Variants in TRPC1 observed in about 807,000 individuals in gnomAD.
TRPC1 encodes transient receptor potential cation channel subfamily C member 1.
TRPC1 carries 42 observed loss-of-function variants against 88.2 expected under a neutral mutation model. The observed-to-expected ratio is 0.48, with a 90% CI of 0.37 to 0.62. The LOEUF is 0.62. Among genes scored for constraint, TRPC1 ranks in the 20% least tolerant of loss-of-function variants. The pLI is 0.00. For synonymous variants in TRPC1, 288 were observed against 331.8 expected (o/e 0.87, Z 1.43); for missense variants, 699 against 957.3 (o/e 0.73, Z 3.56).
rs758468097 is a variant in TRPC1, at chr3:142,784,684, T to C, written c.961-20T>C. 5 of 1,556,816 alleles carry C rather than the reference T, an allele frequency of 3.2e-6. No individual in the cohort carries two copies. The highest frequency in any genetic ancestry group is 4.5e-5 in the East Asian group (2 of 44,382). The stretch of plus-strand genomic sequence containing the variant: ...CCTTTTACTTTTTTTCTTTTTAATG[T>C]GTGTGTATGTCCTTTTCAGTTTGTC... On this transcript the variant is annotated intron_variant, in intron 6 of 12. Coordinates refer to ENST00000476941, the MANE Select transcript of TRPC1 (RefSeq NM_001251845.2).
intron 9 of TRPC1, among the ~76,000 whole-genome samples, chr3:142,799,268 A>G (rs933643513): frequency 2.0e-5 from 3 of 152,066 alleles, no homozygotes; most frequent in African/African-American, 7.2e-5. Context: ...TTTTCATTTC[A>G]CAAGTTTTCA....
At chr3:142,741,381 TACTA>T (rs1372097093) in intron 2 of TRPC1, among the ~76,000 whole-genome samples, 2 of 152,094 alleles carry the variant, frequency 1.3e-5, no homozygotes. Context: ...CTTTATTCCT[TACTA>T]AGTAATGTAT....
intron 4 of TRPC1, among the ~76,000 whole-genome samples, chr3:142,765,951 C>T (rs1935370394): frequency 6.6e-6 from 1 of 151,796 alleles, no homozygotes; most frequent in Non-Finnish European, 1.5e-5. Flanking sequence ...GAAAAAAAGG[C>T]TCAATATCAC....
chr3:142,802,016 T>C (rs1327032548), intron 9 of TRPC1, among the ~76,000 whole-genome samples, 153 bp from the exon 10 acceptor site: 2 of 152,184 alleles, frequency 1.3e-5, no homozygotes, highest in African/African-American at 4.8e-5. Flanking sequence ...GGATTTTCGA[T>C]GTTTTTAAAA....
chr3:142,781,074 A>G, intron 6 of TRPC1, 45 bp downstream of exon 6: 1 of 1,497,738 alleles, frequency 6.7e-7, no homozygotes, highest in Non-Finnish European at 8.9e-7. Flanking sequence ...TCTCTACAGT[A>G]GTCTAGTGGC....
At chr3:142,801,042 A>G (rs151218910) in intron 9 of TRPC1, among the ~76,000 whole-genome samples, 29 of 152,178 alleles carry the variant, frequency 1.9e-4, no homozygotes, top group African/African-American at 6.0e-4. Flanking sequence ...AAGCATATCT[A>G]TATTAAAATA....
chr3:142,792,214 T>C lies in TRPC1; in HGVS notation c.1438-610T>C, dbSNP rs906000476. 6.6e-6 allele frequency among the ~76,000 whole-genome samples: 1 copy of C among 152,076 alleles called. No individual in the cohort carries two copies. The highest frequency in any genetic ancestry group is 1.5e-5 in the Non-Finnish European group (1 of 67,958). On this transcript the variant is annotated intron_variant, in intron 8 of 12. Transcript: ENST00000476941. This position sits in a 1 kb window ranked among gnomAD's most constrained non-coding sequence, Gnocchi z 4.0. The stretch of plus-strand genomic sequence containing the variant: ...GATTGAGAGACATTGCTTTTTCAGA[T>C]TGATCTCTTTCGTTCTATAAGTGGA...
chr3:142,731,276 A>T (rs1933892113), intron 1 of TRPC1, among the ~76,000 whole-genome samples: 1 of 152,032 alleles, frequency 6.6e-6, no homozygotes, highest in African/African-American at 2.4e-5. Flanking sequence ...ACAAGGTCTA[A>T]CTAAGTCCTA....
chr3:142,739,493 A>G (rs1355678442), intron 2 of TRPC1, among the ~76,000 whole-genome samples: 2 of 152,202 alleles, frequency 1.3e-5, no homozygotes, highest in East Asian at 1.9e-4. Context: ...GCCATGTGCA[A>G]TGTATATTTT....
intron 4 of TRPC1, among the ~76,000 whole-genome samples, chr3:142,764,968 C>T (rs867734356): frequency 3.3e-5 from 5 of 151,758 alleles, no homozygotes; most frequent in Admixed American, 1.3e-4. Flanking sequence ...CTTTTTTCTC[C>T]GCTGAATGTG....
intron 1 of TRPC1, among the ~76,000 whole-genome samples, chr3:142,728,207 TA>T (rs1053730798): frequency 8.5e-5 from 13 of 152,126 alleles, no homozygotes; most frequent in Admixed American, 3.9e-4. Flanking sequence ...AGCATGGGGT[TA>T]GGGGGAGGGA....
intron 2 of TRPC1, among the ~76,000 whole-genome samples, chr3:142,742,838 C>G (rs76876867): frequency 0.029 from 4,382 of 152,184 alleles, 222 homozygotes; most frequent in African/African-American, 0.1. Context: ...TCTTTCGGAT[C>G]TTCACAGTGA....
intron 1 of TRPC1, among the ~76,000 whole-genome samples, chr3:142,725,359 A>T (rs1468836636): frequency 6.6e-6 from 1 of 152,204 alleles, no homozygotes; most frequent in Non-Finnish European, 1.5e-5. Flanking sequence ...CTCTGGATTT[A>T]CGGAACGCCT....
rs1039284698 is a variant in TRPC1 at position 142,806,995 on chromosome 3, A to AT, written c.*766dup. The AT allele has an allele frequency of 6.6e-6, 1 of 151,858 alleles. No homozygotes were observed. The highest frequency in any genetic ancestry group is 2.4e-5 in the African/African-American group (1 of 41,344). The allele number at this position is 151,858 out of a possible 1,614,324, so 9.4% of individuals were successfully genotyped here. On this transcript the variant is annotated 3_prime_UTR_variant, in exon 13 of 13. Transcript: ENST00000476941. Reference sequence around the variant, plus strand: ...GAAAAATACAGTCAGTAGATGTTTTATTTTTTAGCTATTCAGTTATGTTTA... The same window carrying AT: ...GAAAAATACAGTCAGTAGATGTTTTATTTTTTTAGCTATTCAGTTATGTTTA...
In TRPC1 at chr3:142,784,770, C is replaced by T. The variant is rs1195650315; in HGVS notation, c.1027C>T (p.Arg343Ter). The change falls in exon 7 of 13, where the codon CGA (arginine) becomes TGA (stop). Residue 343 changes from arginine (R) to a stop codon, truncating the protein, a stop_gained. Transcript: ENST00000476941. LOFTEE classifies it high-confidence loss of function. The stretch of plus-strand genomic sequence containing the variant: ...TTGGTTTGGACAGATGTCGGGTTAC[C>T]GACGCAAGCCCACCTGTAAGAAGAT... Reference protein sequence around the residue: ...TVWFGQMSGYRRKPTCKKIMT... With the variant: ...TVWFGQMSGY 7 of 1,614,056 alleles carry T rather than the reference C, an allele frequency of 4.3e-6. No homozygotes were observed. Among genetic ancestry groups the T allele is most frequent in the Non-Finnish European group, 5.9e-6 (7 of 1,179,998 alleles).
intron 3 of TRPC1, among the ~76,000 whole-genome samples, chr3:142,746,087 T>G (rs577667705): frequency 2.6e-5 from 4 of 152,278 alleles, no homozygotes; most frequent in Admixed American, 2.6e-4. Flanking sequence ...GAGGCAATAT[T>G]AAATATTTTT....
intron 5 of TRPC1, among the ~76,000 whole-genome samples, chr3:142,778,175 G>GATAT (rs1935848053): frequency 6.6e-6 from 1 of 152,076 alleles, no homozygotes; most frequent in African/African-American, 2.4e-5. Context: ...AAAAGCATAT[G>GATAT]GAATGCTTTC....
chr3:142,800,295 C>T (rs944482119), intron 9 of TRPC1, among the ~76,000 whole-genome samples: 3 of 152,114 alleles, frequency 2.0e-5, no homozygotes, highest in African/African-American at 7.2e-5. Context: ...GCAGCATAGG[C>T]CTTGAAAAGT....
At chr3:142,772,073 T>C (rs1325333483) in intron 4 of TRPC1, among the ~76,000 whole-genome samples, 1 of 152,192 alleles carries the variant, frequency 6.6e-6, no homozygotes, top group Non-Finnish European at 1.5e-5. Flanking sequence ...ACCTGATATT[T>C]TTCTCTTGTT....
Sources: gnomAD v4.1 joint callset for allele counts (sites outside exome capture counted in the v4.1 genomes callset) on GRCh38, gnomAD v4.1.1 for gene constraint, Gnocchi (gnomAD v3.1) non-coding constraint, MANE v1.5 for transcripts, NCBI Gene and HGNC (gene_info 2026-07-23, HGNC 2026-07-21) for gene names.